Variants in MTCH2 observed in about 807,000 individuals in gnomAD.
MTCH2 encodes mitochondrial carrier 2.
In MTCH2, 25 loss-of-function variants were observed where a neutral mutation model predicts 50.6. The ratio of observed to expected loss-of-function variants is 0.49; its 90% CI spans 0.36 to 0.69. The LOEUF (loss-of-function observed/expected upper bound fraction) is 0.69, where lower values mean the gene tolerates loss of function less well. MTCH2 is among the 30% of genes least tolerant of loss of function. MTCH2 has a pLI of 0.00. For missense variants in MTCH2, 273 were observed against 384.4 expected (o/e 0.71, Z 2.42); for synonymous variants, 106 against 132.0 (o/e 0.80, Z 1.35).
At chr11:47,638,393 C>T (rs2153800933) in intron 3 of MTCH2, among the ~76,000 whole-genome samples, 1 of 139,464 alleles carries the variant, frequency 7.2e-6, no homozygotes, top group East Asian at 2.1e-4. Flanking sequence ...ACTAAAAATA[C>T]AAAAAATTAG....
the MTCH2 span, among the ~76,000 whole-genome samples, chr11:47,611,985 G>C: frequency 2.6e-5 from 4 of 152,072 alleles, no homozygotes; most frequent in Non-Finnish European, 5.9e-5. Context: ...CACTGGAAGG[G>C]GTCTCCCTAG....
At chr11:47,631,490 C>T (rs1394444930) in intron 6 of MTCH2, among the ~76,000 whole-genome samples, 164 bp downstream of exon 6, 1 of 152,076 alleles carries the variant, frequency 6.6e-6, no homozygotes, top group Non-Finnish European at 1.5e-5. Flanking sequence ...GATTTTCCAC[C>T]TAAAGACATT....
At chr11:47,616,016 TG>T (rs1294243498), downstream of MTCH2, among the ~76,000 whole-genome samples, 1 of 152,092 alleles carries the variant, frequency 6.6e-6, no homozygotes, top group Non-Finnish European at 1.5e-5. Context: ...TGGAGTGCAA[TG>T]GCACGATCTC....
chr11:47,622,322 T>C (rs2097294035), intron 12 of MTCH2, among the ~76,000 whole-genome samples: 1 of 152,146 alleles, frequency 6.6e-6, no homozygotes, highest in African/African-American at 2.4e-5. Context: ...TCAATACCAC[T>C]GTGACAAATA....
downstream of MTCH2, among the ~76,000 whole-genome samples, chr11:47,614,730 C>T (rs1406987839): frequency 2.6e-5 from 4 of 152,102 alleles, no homozygotes; most frequent in South Asian, 2.1e-4. Context: ...TATAGGCATG[C>T]GCCTCCATAC....
At chr11:47,607,045 G>A in the MTCH2 span, among the ~76,000 whole-genome samples, 8 of 152,208 alleles carry the variant, frequency 5.3e-5, no homozygotes. Context: ...CAATTTGGCA[G>A]TGTGCTGTGG....
downstream of MTCH2, among the ~76,000 whole-genome samples, chr11:47,615,827 T>C (rs796604187): frequency 6.6e-6 from 1 of 150,722 alleles, no homozygotes; most frequent in Admixed American, 6.7e-5. Flanking sequence ...GGTTTCACCA[T>C]GTTGGTCAGG....
chr11:47,619,109 T>C (rs55656834), intron 12 of MTCH2, among the ~76,000 whole-genome samples, 190 bp from the exon 13 acceptor site: 1,710 of 152,350 alleles, frequency 0.011, 27 homozygotes, highest in Admixed American at 0.02. Flanking sequence ...TTTCTCCTTA[T>C]TAAGTTCTTA....
chr11:47,641,522 C>T (rs1426569343), intron 1 of MTCH2, among the ~76,000 whole-genome samples: 1 of 152,020 alleles, frequency 6.6e-6, no homozygotes, highest in Non-Finnish European at 1.5e-5. Flanking sequence ...TATGTCAACT[C>T]TCAGTAAAAG....
At chr11:47,608,110 T>C in the MTCH2 span, among the ~76,000 whole-genome samples, 2 of 152,224 alleles carry the variant, frequency 1.3e-5, 1 homozygote, top group Non-Finnish European at 2.9e-5. Flanking sequence ...CTTCTGAGTC[T>C]CACTTTTCCA....
At chr11:47,639,209 G>A (rs756504828) in intron 1 of MTCH2, among the ~76,000 whole-genome samples, 158 bp from the exon 2 acceptor site, 2 of 152,168 alleles carry the variant, frequency 1.3e-5, no homozygotes, top group African/African-American at 2.4e-5. Flanking sequence ...CATTCTTGTA[G>A]GTTTTTCTTC....
rs1424222528 is a variant in MTCH2 at position 47,617,593 on chromosome 11, A to G, written c.*1240T>C. On this transcript the variant is annotated 3_prime_UTR_variant, in exon 13 of 13. Coordinates refer to ENST00000302503, the MANE Select transcript of MTCH2 (RefSeq NM_014342.4). ...AGAGAAGTCTCAGAAGCAGCGAATT[A>G]AGTGCTTACTCATTTGGCAATGTCC... 2 of 152,606 alleles carry G rather than the reference A, an allele frequency of 1.3e-5. No individual in the cohort carries two copies. Among genetic ancestry groups the G allele is most frequent in the South Asian group, 4.1e-4 (2 of 4,834 alleles). 9.5% of individuals were successfully genotyped at this position (152,606 alleles called of 1,614,324 possible). A position where few individuals can be genotyped will look rare whatever the true frequency, so the allele number is the denominator to read the frequency against.
chr11:47,629,998 G>C (rs1160735721), intron 8 of MTCH2, among the ~76,000 whole-genome samples: 3 of 151,912 alleles, frequency 2.0e-5, no homozygotes, highest in African/African-American at 7.2e-5. Context: ...TAAGTCCTTT[G>C]TTAAAAAAAG....
chr11:47,634,931 C>T (rs1387488064), intron 4 of MTCH2, among the ~76,000 whole-genome samples, 197 bp from the exon 5 acceptor site: 1 of 151,946 alleles, frequency 6.6e-6, no homozygotes, highest in Admixed American at 6.6e-5. Flanking sequence ...CGCCACCACG[C>T]CCTGCTAATT....
the MTCH2 span, among the ~76,000 whole-genome samples, chr11:47,611,398 GC>G: frequency 6.6e-6 from 1 of 152,254 alleles, no homozygotes; most frequent in African/African-American, 2.4e-5. Flanking sequence ...GAAGGGCAGG[GC>G]CCCGGCTAGA....
At chr11:47,613,668 C>CAG (rs756098026), downstream of MTCH2, among the ~76,000 whole-genome samples, 7 of 152,190 alleles carry the variant, frequency 4.6e-5, no homozygotes, top group Non-Finnish European at 8.8e-5. Context: ...GTTGTTTCCG[C>CAG]TATTTATAAT....
At chr11:47,608,680 C>T in the MTCH2 span, among the ~76,000 whole-genome samples, 4 of 152,048 alleles carry the variant, frequency 2.6e-5, no homozygotes, top group South Asian at 4.1e-4. Flanking sequence ...AAATCTTGGC[C>T]GATTGCGGTG....
At chr11:47,629,949 T>C (rs2097301528) in intron 8 of MTCH2, among the ~76,000 whole-genome samples, 2 of 152,082 alleles carry the variant, frequency 1.3e-5, no homozygotes, top group Non-Finnish European at 2.9e-5. Context: ...ATTATCTATA[T>C]AGAATTGGGA....
the MTCH2 span, among the ~76,000 whole-genome samples, chr11:47,610,725 A>G: frequency 6.6e-6 from 1 of 152,248 alleles, no homozygotes; most frequent in East Asian, 1.9e-4. Flanking sequence ...GAAAACTGTA[A>G]TGAGTATTAC....
Sources: gnomAD v4.1 joint callset for allele counts (sites outside exome capture counted in the v4.1 genomes callset) on GRCh38, gnomAD v4.1.1 for gene constraint, MANE v1.5 for transcripts, NCBI Gene and HGNC (gene_info 2026-07-23, HGNC 2026-07-21) for gene names.